The following SORCS1 variants were observed in gnomAD, a reference collection of about 807,000 sequenced individuals.
The protein encoded by SORCS1 is sortilin related VPS10 domain containing receptor 1.
Under a neutral mutation model 146.1 loss-of-function variants are expected in SORCS1, and 60 were observed. The ratio of observed to expected loss-of-function variants is 0.41; its 90% confidence interval spans 0.33 to 0.51. SORCS1 has a LOEUF of 0.51. Among genes scored for constraint, SORCS1 ranks in the 20% least tolerant of loss-of-function variants. The pLI is 0.21. For synonymous variants in SORCS1, 637 were observed against 584.0 expected (o/e 1.09, Z -1.31); for missense variants, 1,352 against 1,487.6 (o/e 0.91, Z 1.50).
At chr10:106,974,720 T>G (rs182694779) in intron 1 of SORCS1, among the ~76,000 whole-genome samples, 2 of 152,180 alleles carry the variant, frequency 1.3e-5, no homozygotes, top group African/African-American at 4.8e-5. Flanking sequence ...TAGGAGAAAC[T>G]GGCTCAGGTC....
chr10:106,874,355 T>A (rs1950528603), intron 2 of SORCS1, among the ~76,000 whole-genome samples: 1 of 152,182 alleles, frequency 6.6e-6, no homozygotes, highest in East Asian at 1.9e-4. Context: ...GAAAACAAAT[T>A]ATTATGACAT....
At chr10:107,148,156 C>T (rs2134784335) in intron 1 of SORCS1, among the ~76,000 whole-genome samples, 1 of 152,242 alleles carries the variant, frequency 6.6e-6, no homozygotes, top group African/African-American at 2.4e-5. Flanking sequence ...GCCAGGAAAA[C>T]CAAGGGTCCA....
chr10:107,105,486 G>A (rs932949158), intron 1 of SORCS1, among the ~76,000 whole-genome samples: 3 of 152,172 alleles, frequency 2.0e-5, no homozygotes, highest in Admixed American at 6.5e-5. Context: ...GTCAGAAGTC[G>A]AGAAGCCGAC....
chr10:107,150,456 G>C (rs1035495846), intron 1 of SORCS1, among the ~76,000 whole-genome samples: 1 of 152,210 alleles, frequency 6.6e-6, no homozygotes, highest in Non-Finnish European at 1.5e-5. Context: ...ACATGCAAGA[G>C]TGGCTACCTG....
At chr10:106,658,511 T>C (rs561309261) in intron 17 of SORCS1, among the ~76,000 whole-genome samples, 111 of 152,256 alleles carry the variant, frequency 7.3e-4, no homozygotes, top group African/African-American at 2.6e-3. Flanking sequence ...TAGTTTAATT[T>C]CTTGGCTTGT....
chr10:106,618,123 G>A, intron 21 of SORCS1, 26 bp downstream of exon 21: 4 of 1,613,454 alleles, frequency 2.5e-6, no homozygotes, highest in Non-Finnish European at 3.4e-6. Context: ...GAAGACAGCA[G>A]TAGATCCACT....
chr10:107,050,810 T>G (rs566718693), intron 1 of SORCS1, among the ~76,000 whole-genome samples: 21 of 152,224 alleles, frequency 1.4e-4, no homozygotes, highest in African/African-American at 4.3e-4. Context: ...AGAGTGAAGC[T>G]CTCTACTATG....
intron 1 of SORCS1, among the ~76,000 whole-genome samples, chr10:106,978,521 C>T (rs191414441): frequency 1.3e-5 from 2 of 151,986 alleles, no homozygotes; most frequent in African/African-American, 2.4e-5. Flanking sequence ...AAATAGTGGC[C>T]GGGCATGGTA....
intron 6 of SORCS1, among the ~76,000 whole-genome samples, chr10:106,728,174 G>A (rs1464204226): frequency 6.6e-6 from 1 of 152,088 alleles, no homozygotes; most frequent in Non-Finnish European, 1.5e-5. Context: ...TGGGACAACA[G>A]GCACGCACCA....
At chr10:106,909,404 G>T (rs1483150695) in intron 2 of SORCS1, among the ~76,000 whole-genome samples, 1 of 152,004 alleles carries the variant, frequency 6.6e-6, no homozygotes, top group Non-Finnish European at 1.5e-5. Context: ...GAGAGAGAGA[G>T]AATATACTCA....
intron 1 of SORCS1, among the ~76,000 whole-genome samples, chr10:107,009,682 A>T (rs1957613661): frequency 6.6e-6 from 1 of 152,222 alleles, no homozygotes; most frequent in African/African-American, 2.4e-5. Context: ...CGCAAGATTT[A>T]AAAACATATA....
chr10:106,915,340 C>G (rs1161487268), intron 2 of SORCS1, among the ~76,000 whole-genome samples: 1 of 152,158 alleles, frequency 6.6e-6, no homozygotes, highest in Non-Finnish European at 1.5e-5. Flanking sequence ...AGAAACAAAC[C>G]AATGCATTTC....
intron 21 of SORCS1, among the ~76,000 whole-genome samples, chr10:106,616,956 T>A (rs1847408156): frequency 1.3e-5 from 2 of 151,084 alleles, no homozygotes; most frequent in South Asian, 4.2e-4. Context: ...CTCTTTCTTT[T>A]TTTTTTTTTT....
chr10:106,991,298 A>G (rs1334912061), intron 1 of SORCS1, among the ~76,000 whole-genome samples: 1 of 152,230 alleles, frequency 6.6e-6, no homozygotes, highest in Non-Finnish European at 1.5e-5. Context: ...ATGGCTCAGT[A>G]ATTCTCCCCA....
chr10:107,061,868 A>T (rs1449392820), intron 1 of SORCS1, among the ~76,000 whole-genome samples: 1 of 152,206 alleles, frequency 6.6e-6, no homozygotes, highest in Non-Finnish European at 1.5e-5. Flanking sequence ...ATACGTTAAC[A>T]GAATAAGGTT....
intron 3 of SORCS1, among the ~76,000 whole-genome samples, chr10:106,785,140 G>A (rs1384048282): frequency 1.3e-5 from 2 of 152,136 alleles, no homozygotes; most frequent in Non-Finnish European, 2.9e-5. Context: ...ATGCTGGCAG[G>A]AGCTCTCTCT....
intron 2 of SORCS1, among the ~76,000 whole-genome samples, chr10:106,942,939 C>G (rs994385574): frequency 2.0e-5 from 3 of 152,164 alleles, no homozygotes; most frequent in African/African-American, 7.2e-5. Flanking sequence ...TAGTCTGTCA[C>G]CTCCTTTCTA....
intron 1 of SORCS1, among the ~76,000 whole-genome samples, chr10:107,004,068 T>A (rs1040539832): frequency 1.3e-5 from 2 of 148,966 alleles, no homozygotes; most frequent in Non-Finnish European, 3.0e-5. Flanking sequence ...CCAGCTAGTT[T>A]GGAAGGCTGA....
At chr10:106,792,990 A>T (rs114352317) in intron 3 of SORCS1, among the ~76,000 whole-genome samples, 1,655 of 152,232 alleles carry the variant, frequency 0.011, 27 homozygotes, top group African/African-American at 0.036. Context: ...CATTTTTTTT[A>T]AAATCTAATT....
Sources: gnomAD v4.1 joint callset for allele counts (sites outside exome capture counted in the v4.1 genomes callset) on GRCh38, gnomAD v4.1.1 for gene constraint, MANE v1.5 for transcripts, NCBI Gene and HGNC (gene_info 2026-07-23, HGNC 2026-07-21) for gene names.